The following CDH13 variants were observed in gnomAD, a reference collection of about 807,000 sequenced individuals.
CDH13 encodes cadherin-13.
Under a neutral mutation model 63.8 loss-of-function variants are expected in CDH13, and 24 were observed. That is an observed-to-expected ratio of 0.38 (90% confidence interval 0.27 to 0.53). The LOEUF (loss-of-function observed/expected upper bound fraction) is 0.53, where lower values mean the gene tolerates loss of function less well. Among genes scored for constraint, CDH13 ranks in the 20% least tolerant of loss-of-function variants. CDH13 has a pLI of 0.85. For synonymous variants in CDH13, 503 were observed against 355.3 expected (o/e 1.42, Z -4.67); for missense variants, 1,049 against 903.1 (o/e 1.16, Z -2.07).
intron 7 of CDH13, among the ~76,000 whole-genome samples, chr16:83,575,834 T>C (rs990322234): frequency 1.3e-5 from 2 of 152,250 alleles, no homozygotes; most frequent in African/African-American, 2.4e-5. Flanking sequence ...CACTGGGCTA[T>C]AGTTTGTGTA....
chr16:82,795,159 G>A (rs8053649), intron 1 of CDH13, among the ~76,000 whole-genome samples: 1,971 of 152,308 alleles, frequency 0.013, 17 homozygotes, highest in Non-Finnish European at 0.022. Flanking sequence ...TAATCCAGGT[G>A]TTGGCATGGA....
intron 7 of CDH13, among the ~76,000 whole-genome samples, chr16:83,573,352 G>T (rs147470620): frequency 1.1e-3 from 163 of 152,236 alleles, no homozygotes; most frequent in African/African-American, 3.6e-3. Context: ...TTCAGTGGTG[G>T]GTCAGGAAGC....
chr16:83,174,954 G>A (rs1457142680), intron 4 of CDH13, among the ~76,000 whole-genome samples: 1 of 152,090 alleles, frequency 6.6e-6, no homozygotes, highest in African/African-American at 2.4e-5. Flanking sequence ...CCATGATCCA[G>A]TCCTCTCCAA....
intron 7 of CDH13, among the ~76,000 whole-genome samples, chr16:83,588,668 C>G (rs975549175): frequency 1.3e-5 from 2 of 152,230 alleles, no homozygotes; most frequent in Non-Finnish European, 2.9e-5. Context: ...TTCTCCGGTA[C>G]TTGATATTTA....
chr16:82,659,796 G>A (rs562741233), intron 1 of CDH13, among the ~76,000 whole-genome samples: 1 of 152,280 alleles, frequency 6.6e-6, no homozygotes, highest in Admixed American at 6.5e-5. Flanking sequence ...CTTTGGGCAG[G>A]AAGATTGTGG....
At chr16:83,076,738 C>T (rs1326043076) in intron 3 of CDH13, among the ~76,000 whole-genome samples, 1 of 152,126 alleles carries the variant, frequency 6.6e-6, no homozygotes, top group Non-Finnish European at 1.5e-5. Flanking sequence ...CTAAATAGAT[C>T]TGCATGCATA....
chr16:82,710,019 A>C (rs957133858), intron 1 of CDH13, among the ~76,000 whole-genome samples: 48 of 151,936 alleles, frequency 3.2e-4, no homozygotes, highest in African/African-American at 1.1e-3. Context: ...GGATGGGCTG[A>C]CAAAGACTGC....
chr16:82,736,235 CACCTGGGTGG>C (rs929412271), intron 1 of CDH13, among the ~76,000 whole-genome samples: 1 of 152,138 alleles, frequency 6.6e-6, no homozygotes, highest in Admixed American at 6.5e-5. Flanking sequence ...GTGTAATGGG[CACCTGGGTGG>C]GTGGATGCCT....
intron 6 of CDH13, among the ~76,000 whole-genome samples, chr16:83,446,660 C>G (rs1025923299): frequency 6.6e-6 from 1 of 152,084 alleles, no homozygotes. Flanking sequence ...ATCAAAGGAA[C>G]GAGCTCCAGA....
intron 1 of CDH13, among the ~76,000 whole-genome samples, chr16:82,820,571 T>C (rs374161063): frequency 4.3e-4 from 66 of 152,340 alleles, no homozygotes; most frequent in South Asian, 3.5e-3. Context: ...GCCCAGGCTA[T>C]GGAAAGAAAC....
chr16:83,685,311 G>A (rs1333175346), intron 10 of CDH13, among the ~76,000 whole-genome samples: 1 of 152,136 alleles, frequency 6.6e-6, no homozygotes, highest in East Asian at 1.9e-4. Context: ...GGCACTTTCT[G>A]CCATGAATGC....
intron 8 of CDH13, among the ~76,000 whole-genome samples, chr16:83,637,338 G>C (rs1393364360): frequency 1.2e-5 from 1 of 82,792 alleles, no homozygotes; most frequent in African/African-American, 5.4e-5. Flanking sequence ...CGCAGAAGAC[G>C]GTGATTTCTG....
chr16:83,661,647 A>G (rs1278641058), intron 8 of CDH13, among the ~76,000 whole-genome samples: 2 of 152,064 alleles, frequency 1.3e-5, no homozygotes, highest in Non-Finnish European at 2.9e-5. Flanking sequence ...AATGCATTTC[A>G]TTTTTAGTTT....
At chr16:82,860,546 G>T (rs1212975038) in intron 2 of CDH13, among the ~76,000 whole-genome samples, 1 of 151,812 alleles carries the variant, frequency 6.6e-6, no homozygotes, top group Non-Finnish European at 1.5e-5. Flanking sequence ...GAGAATTGAG[G>T]ACACTTAAAT....
chr16:82,884,927 T>C (rs1277228962), intron 2 of CDH13, among the ~76,000 whole-genome samples: 2 of 152,252 alleles, frequency 1.3e-5, no homozygotes, highest in African/African-American at 4.8e-5. Context: ...AGCTCTAGTC[T>C]AAAGCTCTTT....
intron 2 of CDH13, among the ~76,000 whole-genome samples, chr16:82,945,421 T>C (rs1904598186): frequency 6.6e-6 from 1 of 152,204 alleles, no homozygotes; most frequent in African/African-American, 2.4e-5. Flanking sequence ...ATTAAGATGA[T>C]GTTTCCTAGG....
At chr16:82,901,119 T>C (rs1333742580) in intron 2 of CDH13, among the ~76,000 whole-genome samples, 1 of 151,386 alleles carries the variant, frequency 6.6e-6, no homozygotes, top group Non-Finnish European at 1.5e-5. Context: ...AAAGAGAGCA[T>C]GATCTCCTGG....
chr16:82,787,803 G>A (rs138648187), intron 1 of CDH13, among the ~76,000 whole-genome samples: 379 of 126,930 alleles, frequency 3.0e-3, no homozygotes, highest in Non-Finnish European at 4.9e-3. Context: ...GAATTAAGTT[G>A]TATTCCACGG....
intron 2 of CDH13, among the ~76,000 whole-genome samples, chr16:82,875,949 T>C (rs113655412): frequency 0.021 from 3,232 of 152,298 alleles, 51 homozygotes; most frequent in Non-Finnish European, 0.035. Context: ...CTCACAATCA[T>C]GGTGGAAGGT....
Sources: gnomAD v4.1 joint callset for allele counts (sites outside exome capture counted in the v4.1 genomes callset) on GRCh38, gnomAD v4.1.1 for gene constraint, MANE v1.5 for transcripts, NCBI Gene and HGNC (gene_info 2026-07-23, HGNC 2026-07-21) for gene names.